Variants in ISG20L2 observed in about 807,000 individuals in gnomAD.
The protein encoded by ISG20L2 is interferon-stimulated 20 kDa exonuclease-like 2.
ISG20L2 carries 14 observed loss-of-function variants against 27.8 expected under a neutral mutation model. The ratio of observed to expected loss-of-function variants is 0.50; its 90% CI spans 0.33 to 0.79. The LOEUF is 0.79. Among genes scored for constraint, ISG20L2 ranks in the 30% least tolerant of loss-of-function variants. The pLI, the probability that ISG20L2 is intolerant of heterozygous loss-of-function variation, is 0.02. For synonymous variants in ISG20L2, 157 were observed against 165.7 expected (o/e 0.95, Z 0.40); for missense variants, 393 against 435.1 (o/e 0.90, Z 0.86).
chr1:156,726,087 G>A (rs1268673970), intron 2 of ISG20L2: 1 of 985,304 alleles, frequency 1.0e-6, no homozygotes, highest in African/African-American at 1.7e-5. Flanking sequence ...CACAGGGCTA[G>A]GAGTGAGATG....
At chr1:156,726,223 C>T in intron 2 of ISG20L2, 2 of 985,450 alleles carry the variant, frequency 2.0e-6, no homozygotes, top group Non-Finnish European at 1.2e-6. Flanking sequence ...ACTTTCCGCA[C>T]TTGCCCCAGG....
chr1:156,726,851 A>G, intron 2 of ISG20L2, 55 bp downstream of exon 2: 1 of 1,563,648 alleles, frequency 6.4e-7, no homozygotes, highest in Non-Finnish European at 8.7e-7. Flanking sequence ...CTGAAAAATG[A>G]TTTAGACCTC....
At chr1:156,725,919 A>T (rs925968954) in intron 2 of ISG20L2, 1 of 985,416 alleles carries the variant, frequency 1.0e-6, no homozygotes, top group Admixed American at 6.1e-5. Context: ...GCGTGTCCAG[A>T]GAGGGCAGAG....
At position 156,728,627 on chromosome 1, in the gene ISG20L2, TGGGGGC is replaced by T. The variant is rs1037608431; in HGVS notation, c.-336_-331del. ...GCGGCGGAGGAGGGGGCGGCGTGGG[TGGGGGC>T]GGGGGCGGGATGCGCTCCCCGGCCC... is the stretch of plus-strand genomic sequence containing the variant. On this transcript the variant is annotated 5_prime_UTR_variant, in exon 1 of 4. Transcript: ENST00000368219. The T allele has an allele frequency of 7.7e-6, 2 of 258,988 alleles. No individual in the cohort carries two copies. Among genetic ancestry groups the T allele is most frequent in the African/African-American group, 3.5e-5 (1 of 28,670 alleles). The allele number at this position is 258,988 out of a possible 1,614,324, so 16.0% of individuals were successfully genotyped here.
intron 2 of ISG20L2, chr1:156,725,777 A>G (rs773408471): frequency 6.7e-6 from 5 of 745,674 alleles, no homozygotes; most frequent in Non-Finnish European, 8.2e-6. Context: ...TGCCTCTCCT[A>G]TGCCTTTGCT....
intron 3 of ISG20L2, chr1:156,723,688 T>C: frequency 1.0e-6 from 1 of 985,416 alleles, no homozygotes; most frequent in Non-Finnish European, 1.2e-6. Flanking sequence ...TCTGTGGCAG[T>C]ATGTATAAGC....
chr1:156,726,997 G>T lies in ISG20L2; in HGVS notation c.656C>A (p.Pro219His), dbSNP rs924322548. 1 of 1,614,194 alleles carries T rather than the reference G, an allele frequency of 6.2e-7. No individual in the cohort carries two copies. Among genetic ancestry groups the T allele is most frequent in the East Asian group, 2.2e-5 (1 of 44,888 alleles). ...DVLYDEYILP[P>H]CHIVDYRTRW... ...GGTTCGGTAGTCCACAATGTGGCAG[G>T]GGGGAAGAATGTACTCGTCATAAAG... The change falls in exon 2 of 4, where the codon CCC becomes CAC. Residue 219 changes from proline (P) to histidine (H), a missense_variant. Physicochemically the swap from Pro to His is moderately conservative, Grantham distance 77. Coordinates refer to ENST00000368219, the MANE Select transcript of ISG20L2 (RefSeq NM_001370150.2).
Position 156,728,573 on chromosome 1 carries a change from T to G in ISG20L2, c.-276A>C. 1 of 984,006 alleles carries G rather than the reference T, an allele frequency of 1.0e-6. No individual in the cohort carries two copies. The highest frequency in any genetic ancestry group is 1.2e-6 in the Non-Finnish European group (1 of 829,574). The allele number at this position is 984,006 out of a possible 1,614,324, so 61.0% of individuals were successfully genotyped here. On this transcript the variant is annotated 5_prime_UTR_variant, in exon 1 of 4. Coordinates refer to ENST00000368219, the MANE Select transcript of ISG20L2 (RefSeq NM_001370150.2). ...CCCCGACCCCAGGTAGTGAGGCCAG[T>G]GATTCCGAGTGTGTGAGGAGCGGCA...
chr1:156,728,659 C>T lies in ISG20L2; in HGVS notation c.-362G>A, dbSNP rs906579883. ...GGGGGCGGGATGCGCTCCCCGGCCC[C>T]TCTAGCCCCGTGGTGGTACAACGCG... is the stretch of plus-strand genomic sequence containing the variant. On this transcript the variant is annotated 5_prime_UTR_variant, in exon 1 of 4. Transcript: ENST00000368219. 4.1e-6 allele frequency: 4 copies of T among 986,768 alleles called. No homozygotes were observed. The highest frequency in any genetic ancestry group is 3.5e-5 in the African/African-American group (2 of 57,256). The allele number at this position is 986,768 out of a possible 1,614,324, so 61.1% of individuals were successfully genotyped here.
rs770074855 is a variant in ISG20L2, at chr1:156,723,465, G to A, written c.949-3C>T. The stretch of plus-strand genomic sequence containing the variant: ...GAGGAATGTCCGCTCTTCCCAACCT[G>A]AGCAAGCAAGGAAGACAAGAGCATG... On this transcript the variant is annotated splice_region_variant and splice_polypyrimidine_tract_variant and intron_variant, in intron 3 of 3. Coordinates refer to ENST00000368219, the MANE Select transcript of ISG20L2 (RefSeq NM_001370150.2). 5.0e-6 allele frequency: 8 copies of A among 1,613,992 alleles called. No homozygotes were observed. In the African/African-American group the frequency reaches 1.1e-4, roughly 22 times the overall value.
rs1250036607 is a variant in ISG20L2, at chr1:156,724,257, G to A, written c.839C>T (p.Thr280Ile). ...ALQYFHPKSL[T>I]RDTSHIPPLN... The stretch of plus-strand genomic sequence containing the variant: ...GGGGGGGATATGGGAGGTGTCACGG[G>A]TGAGGGACTTGGGGTGAAAGTACTG... Residue 280 changes from threonine to isoleucine, a missense_variant, in exon 3 of 4, where the codon ACC (threonine) becomes ATC (isoleucine). Transcript: ENST00000368219. 1 of 1,613,978 alleles carries A rather than the reference G, an allele frequency of 6.2e-7. No individual in the cohort carries two copies. The highest frequency in any genetic ancestry group is 1.3e-5 in the African/African-American group (1 of 74,882).
At chr1:156,724,556 T>A (rs1648674734) in intron 2 of ISG20L2, 1 of 1,367,090 alleles carries the variant, frequency 7.3e-7, no homozygotes, top group Non-Finnish European at 9.4e-7. Context: ...ATACCCTGTT[T>A]GGACTCATAC....
At position 156,727,127 on chromosome 1, in the gene ISG20L2, G is replaced by GC. The variant is rs763028597; in HGVS notation, c.525dup (p.Pro176AlafsTer8). 6.2e-7 allele frequency: 1 copy of GC among 1,614,170 alleles called. No individual in the cohort carries two copies. The highest frequency in any genetic ancestry group is 8.5e-7 in the Non-Finnish European group (1 of 1,180,034). On this transcript the variant is annotated frameshift_variant, in exon 2 of 4. Transcript: ENST00000368219. LOFTEE classifies it high-confidence loss of function. The stretch of plus-strand genomic sequence containing the variant: ...CAGTCAATTGCCACCATCTTCCGTG[G>GC]CAACTTCTGGGATGCTCCGGAGCAT...
chr1:156,727,554 C>T lies in ISG20L2; in HGVS notation c.99G>A (p.Arg33=). Residue 33 remains arginine (R), a synonymous_variant, in exon 2 of 4, where the codon AGG becomes AGA. Transcript: ENST00000368219. The stretch of plus-strand genomic sequence containing the variant: ...TCAGAAAGCCTCTCCGTTCTAAGAG[C>T]CTCCGCTTCTTGACAAAATTTCGGT... ...AKHRNFVKKR[R]LLERRGFLSK... The T allele has an allele frequency of 1.2e-6, 2 of 1,614,190 alleles. No individual in the cohort carries two copies. The highest frequency in any genetic ancestry group is 1.7e-6 in the Non-Finnish European group (2 of 1,180,030).
chr1:156,724,140 G>T lies in ISG20L2; in HGVS notation c.948+8C>A, dbSNP rs1409808560. On this transcript the variant is annotated splice_region_variant and intron_variant, in intron 3 of 3. Coordinates refer to ENST00000368219, the MANE Select transcript of ISG20L2 (RefSeq NM_001370150.2). Reference sequence around the variant, plus strand: ...AAGATGGGGGCGGGGGATGTGGGGAGATGCTACCTGGATATCCCGGTTTAG... The same window carrying T: ...AAGATGGGGGCGGGGGATGTGGGGATATGCTACCTGGATATCCCGGTTTAG... 6.2e-7 allele frequency: 1 copy of T among 1,611,902 alleles called. No homozygotes were observed. The highest frequency in any genetic ancestry group is 8.5e-7 in the Non-Finnish European group (1 of 1,178,112).
Position 156,727,100 on chromosome 1 carries a change from C to T in ISG20L2, c.553G>A (p.Glu185Lys), listed in dbSNP as rs1225349435. The T allele has an allele frequency of 6.2e-7, 1 of 1,614,220 alleles. No homozygotes were observed. The highest frequency in any genetic ancestry group is 1.7e-5 in the Admixed American group (1 of 60,032). Residue 185 changes from glutamate (E) to lysine (K), a missense_variant, in exon 2 of 4, where the codon GAG (glutamate) becomes AAG (lysine). Transcript: ENST00000368219. ...LPRKMVAIDC[E>K]MVGTGPKGHV... ...CCCTTTGGTCCTGTGCCCACCATCT[C>T]ACAGTCAATTGCCACCATCTTCCGT...
At chr1:156,724,025 C>T in intron 3 of ISG20L2, 123 bp downstream of exon 3, 1 of 1,130,368 alleles carries the variant, frequency 8.8e-7, no homozygotes, top group Middle Eastern at 2.1e-4. Flanking sequence ...AGATGGAGCT[C>T]TTCCCATCAC....
chr1:156,728,741 T>G lies in ISG20L2; in HGVS notation c.-444A>C. ...TGCAGCCCGCCGGACACCTCCGGCTTCACTTCCGTAAGAGGAGAGGAGTGT... is the reference window on the plus strand; with the variant it reads ...TGCAGCCCGCCGGACACCTCCGGCTGCACTTCCGTAAGAGGAGAGGAGTGT... On this transcript the variant is annotated 5_prime_UTR_variant, in exon 1 of 4. Transcript: ENST00000368219. 3.0e-6 allele frequency: 3 copies of G among 1,008,868 alleles called. No homozygotes were observed. Among genetic ancestry groups the G allele is most frequent in the Non-Finnish European group, 3.6e-6 (3 of 844,768 alleles). 62.5% of individuals were successfully genotyped at this position (1,008,868 alleles called of 1,614,324 possible).
At chr1:156,723,487 C>T in intron 3 of ISG20L2, 25 bp from the exon 4 acceptor site, 1 of 1,613,852 alleles carries the variant, frequency 6.2e-7, no homozygotes, top group Non-Finnish European at 8.5e-7. Flanking sequence ...AAGACAAGAG[C>T]ATGAAGAGAA....
Sources: gnomAD v4.1 joint callset for allele counts on GRCh38, gnomAD v4.1.1 for gene constraint, MANE v1.5 for transcripts, NCBI Gene and HGNC (gene_info 2026-07-23, HGNC 2026-07-21) for gene names.